Variants in TADA3 observed in about 807,000 individuals in gnomAD.
TADA3 encodes the protein transcriptional adapter 3.
In TADA3, 25 loss-of-function variants were observed where a neutral mutation model predicts 43.2. The ratio of observed to expected loss-of-function variants is 0.58; its 90% CI spans 0.42 to 0.81. The LOEUF (loss-of-function observed/expected upper bound fraction) is 0.81, where lower values mean the gene tolerates loss of function less well. Ranked by LOEUF, TADA3 falls within the 30% of genes least tolerant of loss-of-function variation. TADA3 has a pLI of 0.00. For missense variants in TADA3, 441 were observed against 567.8 expected, an observed-to-expected ratio of 0.78 and a Z score of 2.27; for synonymous variants, 235 against 225.5, an observed-to-expected ratio of 1.04 and a Z score of -0.38.
rs370619002 is a variant in TADA3 at position 9,785,382 on chromosome 3, A to G, written c.854T>C (p.Met285Thr). 5.0e-5 allele frequency: 81 copies of G among 1,613,956 alleles called. No homozygotes were observed. Among genetic ancestry groups the G allele is most frequent in the Non-Finnish European group, 6.7e-5 (79 of 1,179,970 alleles). The change falls in exon 7 of 9, where the codon ATG becomes ACG. Residue 285 changes from methionine (M) to threonine (T), a missense_variant. By Grantham distance (81) the Met-to-Thr change is moderately conservative (BLOSUM62 -1). Coordinates refer to ENST00000301964, the MANE Select transcript of TADA3 (RefSeq NM_006354.5). The stretch of plus-strand genomic sequence containing the variant: ...GTCAGCCCCTGATTCTTTCCCAGAC[A>G]TGTCAGGAATAGGAGAATCCTCCAT... The part of the protein sequence containing the change: ...SPMEDSPIPD[M>T]SGKESGADGA...
chr3:9,788,664 C>T (rs531598508), intron 4 of TADA3, among the ~76,000 whole-genome samples: 1 of 152,002 alleles, frequency 6.6e-6, no homozygotes, highest in African/African-American at 2.4e-5. Flanking sequence ...CTCAGCCTCC[C>T]GAGTAGCCAG....
rs2078760524 is a variant in TADA3 at position 9,792,402 on chromosome 3, G to A, written c.-214C>T. 1 of 860,910 alleles carries A rather than the reference G, an allele frequency of 1.2e-6. No homozygotes were observed. Among genetic ancestry groups the A allele is most frequent in the Non-Finnish European group, 1.4e-6 (1 of 695,752 alleles). 53.3% of individuals were successfully genotyped at this position (860,910 alleles called of 1,614,324 possible). A position where few individuals can be genotyped will look rare whatever the true frequency, so the allele number is the denominator to read the frequency against. On this transcript the variant is annotated 5_prime_UTR_variant, in exon 1 of 9. Coordinates refer to ENST00000301964, the MANE Select transcript of TADA3 (RefSeq NM_006354.5). ...CCGCCCCCTCTACCTCCTCGCTGCG[G>A]CCTCCTACGGCCCCAGGGGCCGCGG...
intron 8 of TADA3, chr3:9,783,763 G>A (rs1407455526): frequency 4.5e-6 from 2 of 445,506 alleles, no homozygotes; most frequent in Non-Finnish European, 7.5e-6. Flanking sequence ...GGGTGACAGT[G>A]CGAGACTCCC....
At chr3:9,792,712 G>C, upstream of TADA3, 1 of 1,234,434 alleles carries the variant, frequency 8.1e-7, no homozygotes, top group South Asian at 3.9e-5. Flanking sequence ...GCGGGTAGGA[G>C]GGGCGAGAGA....
chr3:9,789,826 GC>G lies in TADA3; in HGVS notation c.344del (p.Gly115AlafsTer63), dbSNP rs766029276. ...KLEGKAGHGP[G>X]PGPGRPKSKN... ...TGGATTTGGGCCGTCCTGGGCCAGG[GC>G]CCGGCCCATGTCCTGCCTTCCCTTC... On this transcript the variant is annotated frameshift_variant, in exon 3 of 9. Coordinates refer to ENST00000301964, the MANE Select transcript of TADA3 (RefSeq NM_006354.5). LOFTEE classifies it high-confidence loss of function. The G allele has an allele frequency of 2.5e-6, 4 of 1,614,226 alleles. No homozygotes were observed. Among genetic ancestry groups the G allele is most frequent in the Non-Finnish European group, 2.5e-6 (3 of 1,180,056 alleles).
At chr3:9,790,434 A>C (rs530998519) in intron 2 of TADA3, among the ~76,000 whole-genome samples, 94 of 152,196 alleles carry the variant, frequency 6.2e-4, no homozygotes, top group African/African-American at 2.1e-3. Context: ...TCCTTCCTCC[A>C]CAAGTCTCTG....
Position 9,780,453 on chromosome 3 carries a change from G to A in TADA3, c.1203C>T (p.Ala401=), listed in dbSNP as rs773834872. The change falls in exon 9 of 9, where the codon GCC becomes GCT. Residue 401 remains alanine, a synonymous_variant. Coordinates refer to ENST00000301964, the MANE Select transcript of TADA3 (RefSeq NM_006354.5). ...TGGTGGGAGTCCGCTTCTTCTGCCG[G>A]GCAGCCATGATCTTGCGAAAGGCGT... ...VMDAFRKIMA[A]RQKKRTPTKK... The A allele has an allele frequency of 6.2e-7, 1 of 1,612,462 alleles. No individual in the cohort carries two copies. The highest frequency in any genetic ancestry group is 8.5e-7 in the Non-Finnish European group (1 of 1,179,992).
At chr3:9,791,816 G>A (rs867763349) in intron 1 of TADA3, among the ~76,000 whole-genome samples, 1 of 148,596 alleles carries the variant, frequency 6.7e-6, no homozygotes, top group African/African-American at 2.5e-5. Context: ...CGCTAGTCTT[G>A]AGTCTGCACC....
intron 7 of TADA3, 97 bp downstream of exon 7, chr3:9,785,219 C>T: frequency 1.1e-6 from 1 of 919,666 alleles, no homozygotes; most frequent in Non-Finnish European, 1.7e-6. Flanking sequence ...CTAACTGCCC[C>T]CAGCCTCTTA....
At chr3:9,787,426 C>A in intron 4 of TADA3, 86 bp from the exon 5 acceptor site, 1 of 1,505,208 alleles carries the variant, frequency 6.6e-7, no homozygotes, top group South Asian at 1.4e-5. Context: ...TATCTTATAT[C>A]TCTCTCAAGT....
intron 4 of TADA3, among the ~76,000 whole-genome samples, chr3:9,788,406 C>T (rs924131439): frequency 2.6e-5 from 4 of 151,698 alleles, no homozygotes; most frequent in Admixed American, 6.6e-5. Context: ...CCACCACGCC[C>T]GGCTAATTTT....
chr3:9,780,966 G>C (rs1028188163), intron 8 of TADA3, among the ~76,000 whole-genome samples: 3 of 152,044 alleles, frequency 2.0e-5, no homozygotes, highest in Non-Finnish European at 2.9e-5. Flanking sequence ...TAGTGAGACT[G>C]TCTCTACAAA....
chr3:9,781,049 G>A (rs1316235451), intron 8 of TADA3, among the ~76,000 whole-genome samples: 2 of 152,112 alleles, frequency 1.3e-5, no homozygotes, highest in African/African-American at 2.4e-5. Flanking sequence ...AGGATTGCTT[G>A]AGGCCAGGAG....
rs768981526 is a variant in TADA3, at chr3:9,789,630, G to T, written c.459-16C>A. 6.8e-6 allele frequency: 11 copies of T among 1,613,284 alleles called. No homozygotes were observed. The highest frequency in any genetic ancestry group is 9.3e-6 in the Non-Finnish European group (11 of 1,179,582). ...AGCCCAGAACCTGCAGGGAGAAGCA[G>T]ATCCTGAGTGGGCGCCCCTGCCCCA... On this transcript the variant is annotated splice_polypyrimidine_tract_variant and intron_variant, in intron 3 of 8. Coordinates refer to ENST00000301964, the MANE Select transcript of TADA3 (RefSeq NM_006354.5).
intron 4 of TADA3, among the ~76,000 whole-genome samples, chr3:9,788,824 G>C (rs1048282206): frequency 6.6e-6 from 1 of 151,522 alleles, no homozygotes; most frequent in African/African-American, 2.4e-5. Context: ...ACAGGCGTGA[G>C]GTGACTTTTA....
intron 7 of TADA3, 109 bp downstream of exon 7, chr3:9,785,207 A>C (rs556765626): frequency 3.1e-5 from 24 of 771,492 alleles, no homozygotes; most frequent in African/African-American, 2.2e-4. Flanking sequence ...ATTAGGCTTC[A>C]CCTAACTGCC....
intron 8 of TADA3, among the ~76,000 whole-genome samples, chr3:9,782,705 T>G: frequency 6.6e-6 from 1 of 150,490 alleles, no homozygotes; most frequent in East Asian, 2.0e-4. Flanking sequence ...GCAGGAGAAC[T>G]GCCTGAACCC....
chr3:9,790,536 AC>A (rs1252171687), intron 2 of TADA3, among the ~76,000 whole-genome samples: 6 of 152,230 alleles, frequency 3.9e-5, no homozygotes, highest in African/African-American at 1.4e-4. Flanking sequence ...ACCATAAGCT[AC>A]TGAGGACCAG....
intron 2 of TADA3, among the ~76,000 whole-genome samples, chr3:9,790,170 A>G (rs1486970579): frequency 6.6e-6 from 1 of 152,186 alleles, no homozygotes; most frequent in Non-Finnish European, 1.5e-5. Context: ...TATACTTCTC[A>G]TAATCTCATT....
Sources: allele counts gnomAD v4.1 joint callset (sites outside exome capture counted in the v4.1 genomes callset), GRCh38; gene constraint gnomAD v4.1.1; transcripts MANE v1.5; gene names NCBI Gene and HGNC (gene_info 2026-07-23, HGNC 2026-07-21).